CACNA1H: variants seen among roughly 807,000 people sequenced by gnomAD.
CACNA1H encodes the protein calcium voltage-gated channel subunit alpha1 H, also known as voltage-dependent T-type calcium channel subunit alpha-1H.
Under a neutral mutation model 192.5 loss-of-function variants are expected in CACNA1H, and 149 were observed. The observed-to-expected ratio is 0.77, with a 90% CI of 0.68 to 0.89. The LOEUF is 0.89. Among genes scored for constraint, CACNA1H ranks in the 40% least tolerant of loss-of-function variants. The pLI is 0.00. For synonymous variants in CACNA1H, 2,202 were observed against 1,475.2 expected, an observed-to-expected ratio of 1.49 and a Z score of -11.29; for missense variants, 4,257 against 3,423.5, an observed-to-expected ratio of 1.24 and a Z score of -6.08.
At position 1,159,359 on chromosome 16, in the gene CACNA1H, G is replaced by A. The variant is rs1014698280; in HGVS notation, c.299+5323G>A. 3.3e-5 allele frequency among the ~76,000 whole-genome samples: 5 copies of A among 152,104 alleles called. No individual in the cohort carries two copies. The South Asian group carries it at 6.2e-4, about 19-fold the overall frequency. Reference sequence around the variant, plus strand: ...GACTGAGACCTGGATGGGGTGTGCCGAGGGAAGAACGTCCAGGCAGGGGGA... The same window carrying A: ...GACTGAGACCTGGATGGGGTGTGCCAAGGGAAGAACGTCCAGGCAGGGGGA... On this transcript the variant is annotated intron_variant, in intron 2 of 34. Coordinates refer to ENST00000348261, the MANE Select transcript of CACNA1H (RefSeq NM_021098.3).
At position 1,200,162 on chromosome 16, in the gene CACNA1H, ACCTTGATCACG is replaced by A. The variant is rs1179115232; in HGVS notation, c.804-93_804-83del. 4.9e-6 allele frequency: 5 copies of A among 1,012,428 alleles called. No individual in the cohort carries two copies. The African/African-American group carries it at 1.3e-4, about 26-fold the overall frequency. The allele number at this position is 1,012,428 out of a possible 1,614,324, so 62.7% of individuals were successfully genotyped here. Reference sequence around the variant, plus strand: ...GGCCCTGACCCTGATCACGTCCCTGACCTTGATCACGTCCCTGATCACAATCGTGCCCCCGA... The same window carrying A: ...GGCCCTGACCCTGATCACGTCCCTGATCCCTGATCACAATCGTGCCCCCGA... On this transcript the variant is annotated intron_variant, in intron 6 of 34. Coordinates refer to ENST00000348261, the MANE Select transcript of CACNA1H (RefSeq NM_021098.3).
chr16:1,203,696 T>G (rs913691032), intron 9 of CACNA1H, among the ~76,000 whole-genome samples: 3 of 152,226 alleles, frequency 2.0e-5, no homozygotes, highest in African/African-American at 7.2e-5. Flanking sequence ...CTGGCGGTTT[T>G]GCAAGTCCCC....
In CACNA1H at chr16:1,200,074, G is replaced by C. The variant is rs572941940; in HGVS notation, c.804-182G>C. Among the ~76,000 whole-genome samples the C allele has an allele frequency of 5.9e-5, 9 of 152,128 alleles. No homozygotes were observed. The East Asian group carries it at 1.2e-3, about 20-fold the overall frequency. On this transcript the variant is annotated intron_variant, in intron 6 of 34. Coordinates refer to ENST00000348261, the MANE Select transcript of CACNA1H (RefSeq NM_021098.3). ...GGCTGTGTCCCCTGATCCGGGTCTT[G>C]ACCCTCAGTCCTATCATGCCCCCTG...
At position 1,201,889 on chromosome 16, in the gene CACNA1H, CCCGCTGGCAGAG is replaced by C; in HGVS notation, c.1448_1459del (p.Gln483_Trp486del). The C allele has an allele frequency of 1.3e-6, 2 of 1,551,780 alleles. No homozygotes were observed. Among genetic ancestry groups the C allele is most frequent in the Middle Eastern group, 1.7e-4 (1 of 5,882 alleles). The stretch of plus-strand genomic sequence containing the variant: ...AAGCGGCGCAGCTTGCGCCTCTACG[CCCGCTGGCAGAG>C]CCGCTGGCGCAAGAAGGTGGACCCC... On this transcript the variant is annotated inframe_deletion, in exon 9 of 35. Coordinates refer to ENST00000348261, the MANE Select transcript of CACNA1H (RefSeq NM_021098.3).
At chr16:1,159,058 A>G (rs1390379827) in intron 2 of CACNA1H, among the ~76,000 whole-genome samples, 1 of 152,184 alleles carries the variant, frequency 6.6e-6, no homozygotes, top group Non-Finnish European at 1.5e-5. Flanking sequence ...GAGGCACTTC[A>G]GGGTGGAGGG....
At chr16:1,203,182 C>T (rs1968199325) in intron 9 of CACNA1H, among the ~76,000 whole-genome samples, 1 of 152,168 alleles carries the variant, frequency 6.6e-6, no homozygotes, top group Non-Finnish European at 1.5e-5. Flanking sequence ...CGGGCGCATG[C>T]TCCTAGCCCT....
At position 1,218,982 on chromosome 16, in the gene CACNA1H, C is replaced by T; in HGVS notation, c.5900C>T (p.Ser1967Phe). 1 of 1,550,274 alleles carries T rather than the reference C, an allele frequency of 6.5e-7. No homozygotes were observed. The highest frequency in any genetic ancestry group is 1.2e-5 in the South Asian group (1 of 84,060). Residue 1967 changes from serine (S) to phenylalanine (F), a missense_variant, in exon 34 of 35, where the codon TCT becomes TTT. Physicochemically the swap from Ser to Phe is radical, Grantham distance 155. Transcript: ENST00000348261. ...GAGTPLGSVA[S>F]VHSPPAESCA... The stretch of plus-strand genomic sequence containing the variant: ...TTCCCTGCCCCAGGCTCCGTTGCCT[C>T]TGTGCACTCTCCGCCCGCAGAGTCC...
At chr16:1,191,292 GTC>G (rs1966593201) in intron 2 of CACNA1H, among the ~76,000 whole-genome samples, 4 of 105,938 alleles carry the variant, frequency 3.8e-5, no homozygotes, top group African/African-American at 1.0e-4. Context: ...CACACTCGGG[GTC>G]TCTCTTACTC....
intron 5 of CACNA1H, among the ~76,000 whole-genome samples, chr16:1,196,693 G>C (rs1288800298): frequency 1.3e-5 from 2 of 152,208 alleles, no homozygotes; most frequent in Non-Finnish European, 2.9e-5. Flanking sequence ...GTGGAGAGGA[G>C]CTGCTGTGTG....
chr16:1,159,031 C>A (rs904052838), intron 2 of CACNA1H, among the ~76,000 whole-genome samples: 2 of 152,270 alleles, frequency 1.3e-5, no homozygotes, highest in Admixed American at 6.5e-5. Flanking sequence ...GACCTCAGGG[C>A]CCCTGTTCGC....
intron 2 of CACNA1H, among the ~76,000 whole-genome samples, chr16:1,163,365 T>C (rs113825960): frequency 3.9e-5 from 6 of 152,258 alleles, no homozygotes; most frequent in African/African-American, 1.4e-4. Flanking sequence ...AGTCTCCCCA[T>C]GGCACCTCGT....
chr16:1,215,197 G>T (rs774987722), intron 28 of CACNA1H, 45 bp from the exon 29 acceptor site: 1 of 1,585,360 alleles, frequency 6.3e-7, no homozygotes, highest in Non-Finnish European at 8.6e-7. Context: ...CTGCTGAGCC[G>T]AGGCGGGGAC....
At chr16:1,188,917 C>T (rs1029270864) in intron 2 of CACNA1H, among the ~76,000 whole-genome samples, 9 of 152,234 alleles carry the variant, frequency 5.9e-5, no homozygotes, top group Non-Finnish European at 1.0e-4. Flanking sequence ...GCCCGCCCTG[C>T]GTCCACACCT....
chr16:1,210,750 G>A (rs373273058), intron 20 of CACNA1H, 37 bp from the exon 21 acceptor site: 19 of 1,577,918 alleles, frequency 1.2e-5, no homozygotes, highest in Admixed American at 1.7e-5. Flanking sequence ...GACCCCCCAC[G>A]CCTGAGCCTG....
intron 2 of CACNA1H, among the ~76,000 whole-genome samples, chr16:1,193,658 GT>G (rs1966807291): frequency 3.9e-5 from 6 of 152,254 alleles, no homozygotes; most frequent in Non-Finnish European, 7.3e-5. Flanking sequence ...AGAGGCGCCT[GT>G]TACCGCTGAA....
intron 22 of CACNA1H, 37 bp from the exon 23 acceptor site, chr16:1,211,444 G>A (rs748863682): frequency 6.2e-7 from 1 of 1,612,006 alleles, no homozygotes; most frequent in Non-Finnish European, 8.5e-7. Flanking sequence ...GTGGGGCACA[G>A]GCCAGGCCCT....
rs1344780965 is a variant in CACNA1H, at chr16:1,200,332, C to T, written c.880C>T (p.Arg294Cys). The change falls in exon 7 of 35, where the codon CGC becomes TGC. Residue 294 changes from arginine to cysteine, a missense_variant. Transcript: ENST00000348261. ...GGAGAACCCGTTCATCTGCTCCTCA[C>T]GCCGAGACAACGGCATGCAGAAGTG... is the stretch of plus-strand genomic sequence containing the variant. ...GEENPFICSS[R>C]RDNGMQKCSH... 8.7e-6 allele frequency: 14 copies of T among 1,603,730 alleles called. No homozygotes were observed. Among genetic ancestry groups the T allele is most frequent in the African/African-American group, 1.3e-5 (1 of 74,716 alleles).
intron 27 of CACNA1H, 104 bp downstream of exon 27, chr16:1,214,035 C>A: frequency 1.0e-6 from 1 of 1,000,588 alleles, no homozygotes; most frequent in Non-Finnish European, 1.5e-6. Flanking sequence ...TGAGCCCTCG[C>A]TGGGGTTTGC....
rs372000875 is a variant in CACNA1H at position 1,210,047 on chromosome 16, C to A, written c.3757C>A (p.Arg1253Ser). The change falls in exon 18 of 35, where the codon CGC (arginine) becomes AGC (serine). Residue 1253 changes from arginine to serine, a missense_variant. Arg to Ser is a moderately radical substitution (Grantham distance 110). Transcript: ENST00000348261. ...DDDSEDSCCLRLHKVLEPYKP... is the reference protein window; with the variant it reads ...DDDSEDSCCLSLHKVLEPYKP... The stretch of plus-strand genomic sequence containing the variant: ...CCTCATCCCACAGAGCTGCTGCCTC[C>A]GCCTGCATAAAGTGCTGGAGCCCTA... 4.5e-6 allele frequency: 7 copies of A among 1,550,942 alleles called. No homozygotes were observed. Among genetic ancestry groups the A allele is most frequent in the Non-Finnish European group, 6.1e-6 (7 of 1,147,764 alleles).
Sources: allele counts gnomAD v4.1 joint callset (sites outside exome capture counted in the v4.1 genomes callset), GRCh38; gene constraint gnomAD v4.1.1; transcripts MANE v1.5; gene names NCBI Gene and HGNC (gene_info 2026-07-23, HGNC 2026-07-21).